The following TUBGCP2 variants were observed in gnomAD, a reference collection of about 807,000 sequenced individuals.
TUBGCP2 encodes tubulin gamma complex component 2.
TUBGCP2 carries 55 observed loss-of-function variants against 92.2 expected under a neutral mutation model. The ratio of observed to expected loss-of-function variants is 0.60; its 90% CI spans 0.48 to 0.75. The LOEUF (loss-of-function observed/expected upper bound fraction) is 0.75, where lower values mean the gene tolerates loss of function less well. Ranked by LOEUF, TUBGCP2 falls within the 30% of genes least tolerant of loss-of-function variation. TUBGCP2 has a pLI of 0.00. For synonymous variants in TUBGCP2, 533 were observed against 505.2 expected, an observed-to-expected ratio of 1.06 and a Z score of -0.74; for missense variants, 1,093 against 1,188.9, an observed-to-expected ratio of 0.92 and a Z score of 1.19.
Position 133,283,783 on chromosome 10 carries a change from TCCCTGCCTCTCCCCTCG to T in TUBGCP2, c.2145+82_2145+98del, listed in dbSNP as rs1248078671. Reference sequence around the variant, plus strand: ...CCTGCATTCCCTGCCTCTCCTGCACTCCCTGCCTCTCCCCTCGCCCTGCCTCTCCTGCACTTCCTGTC... The same window carrying T: ...CCTGCATTCCCTGCCTCTCCTGCACTCCCTGCCTCTCCTGCACTTCCTGTC... On this transcript the variant is annotated intron_variant, in intron 14 of 17. Coordinates refer to ENST00000252936, the MANE Select transcript of TUBGCP2 (RefSeq NM_006659.4). 387 of 1,465,198 alleles carry T rather than the reference TCCCTGCCTCTCCCCTCG, an allele frequency of 2.6e-4. 1 individual carries two copies. Among genetic ancestry groups the T allele is most frequent in the South Asian group, 1.6e-3 (125 of 78,720 alleles). The allele number at this position is 1,465,198 out of a possible 1,614,324, so 90.8% of individuals were successfully genotyped here. A position where few individuals can be genotyped will look rare whatever the true frequency, so the allele number is the denominator to read the frequency against.
upstream of TUBGCP2, chr10:133,310,035 G>A (rs1358151590): frequency 3.2e-5 from 52 of 1,608,832 alleles, no homozygotes; most frequent in Non-Finnish European, 4.2e-5. Flanking sequence ...GGCTCAGAGT[G>A]CTGCCCCCAG....
chr10:133,299,907 T>G, intron 3 of TUBGCP2, 78 bp downstream of exon 3: 1 of 1,558,238 alleles, frequency 6.4e-7, no homozygotes, highest in Non-Finnish European at 8.7e-7. Context: ...GAAGATGGCG[T>G]GGAGTGAGCA....
upstream of TUBGCP2, chr10:133,311,638 T>C (rs1231101957): frequency 2.4e-6 from 3 of 1,257,460 alleles, no homozygotes; most frequent in Non-Finnish European, 3.4e-6. Flanking sequence ...CCAGTTTCTT[T>C]CTTGCATGTT....
chr10:133,312,029 G>C, upstream of TUBGCP2: 1 of 1,535,642 alleles, frequency 6.5e-7, no homozygotes, highest in South Asian at 1.2e-5. Context: ...AGTTTCTCTC[G>C]CATACTCTGT....
At chr10:133,303,414 G>T (rs1012072692) in intron 1 of TUBGCP2, among the ~76,000 whole-genome samples, 5 of 152,200 alleles carry the variant, frequency 3.3e-5, no homozygotes, top group Non-Finnish European at 5.9e-5. Flanking sequence ...GCATGAATGG[G>T]GCCTGAGACC....
chr10:133,304,776 C>T (rs1847767993), intron 1 of TUBGCP2, among the ~76,000 whole-genome samples: 1 of 152,202 alleles, frequency 6.6e-6, no homozygotes, highest in Non-Finnish European at 1.5e-5. Flanking sequence ...AATCCTTGCT[C>T]TACAATCATA....
At chr10:133,303,026 TA>T in intron 1 of TUBGCP2, 46 bp from the exon 2 acceptor site, 1 of 1,564,162 alleles carries the variant, frequency 6.4e-7, no homozygotes, top group Non-Finnish European at 8.8e-7. Flanking sequence ...ACTGTAGAAA[TA>T]AAAAACATTT....
At position 133,307,604 on chromosome 10, in the gene TUBGCP2, GC is replaced by G. The variant is rs749943302; in HGVS notation, c.-40+1218del. On this transcript the variant is annotated intron_variant, in intron 1 of 17. Coordinates refer to ENST00000252936, the MANE Select transcript of TUBGCP2 (RefSeq NM_006659.4). The stretch of plus-strand genomic sequence containing the variant: ...TACCAAAAATACAAAAATTGGCCAA[GC>G]CTGGTGGCGCACACTTGTAATCCCA... Among the ~76,000 whole-genome samples the G allele has an allele frequency of 4.7e-3, 713 of 152,332 alleles. 3 individuals are homozygous for G. The highest frequency in any genetic ancestry group is 0.017 in the African/African-American group (689 of 41,572).
At chr10:133,312,296 C>A (rs41314511), upstream of TUBGCP2, 1 of 1,226,598 alleles carries the variant, frequency 8.2e-7, no homozygotes, top group Non-Finnish European at 1.0e-6. Flanking sequence ...GCCTTTCTAG[C>A]GTCACCTGTG....
chr10:133,304,477 T>A (rs1847758614), intron 1 of TUBGCP2, among the ~76,000 whole-genome samples: 1 of 152,188 alleles, frequency 6.6e-6, no homozygotes, highest in South Asian at 2.1e-4. Flanking sequence ...TTTTATTTTC[T>A]GAGGAGATGA....
intron 2 of TUBGCP2, among the ~76,000 whole-genome samples, chr10:133,300,763 TGC>T (rs1372660264): frequency 6.6e-6 from 1 of 152,186 alleles, no homozygotes; most frequent in Non-Finnish European, 1.5e-5. Context: ...TGTGAGCCCC[TGC>T]GCCCGCCCTT....
At chr10:133,297,876 A>C in intron 5 of TUBGCP2, 76 bp downstream of exon 5, 1 of 1,578,928 alleles carries the variant, frequency 6.3e-7, no homozygotes, top group Non-Finnish European at 8.6e-7. Flanking sequence ...AACACATGAC[A>C]TACCTATCGG....
upstream of TUBGCP2, chr10:133,312,293 TA>T: frequency 8.1e-7 from 1 of 1,232,790 alleles, no homozygotes; most frequent in Non-Finnish European, 1.0e-6. Context: ...TCTGCCTTTC[TA>T]GCGTCACCTG....
chr10:133,302,493 G>GCACCAGAGGTGGCACTC (rs1589836406), intron 2 of TUBGCP2: 1 of 387,044 alleles, frequency 2.6e-6, no homozygotes, highest in African/African-American at 2.3e-5. Flanking sequence ...CCTGCACCCT[G>GCACCAGAGGTGGCACTC]ACCCAGGGGC....
In TUBGCP2 at chr10:133,281,392, G is replaced by A. The variant is rs370230871; in HGVS notation, c.2454C>T (p.Phe818=). The A allele has an allele frequency of 1.5e-5, 25 of 1,613,730 alleles. No individual in the cohort carries two copies. Among genetic ancestry groups the A allele is most frequent in the Admixed American group, 3.3e-5 (2 of 60,018 alleles). The change falls in exon 17 of 18, where the codon TTC becomes TTT. Residue 818 remains phenylalanine (F), a synonymous_variant. Coordinates refer to ENST00000252936, the MANE Select transcript of TUBGCP2 (RefSeq NM_006659.4). ...HADTVQLVSG[F]EATINKFDKN... ...TGTCAAACTTGTTGATGGTGGCCTC[G>A]AAGCCGGACACCAGCTGCACAGTGT...
chr10:133,309,479 GT>G (rs1184120970), upstream of TUBGCP2: 1 of 1,609,674 alleles, frequency 6.2e-7, no homozygotes, highest in South Asian at 1.1e-5. Flanking sequence ...CGAATGGGCA[GT>G]GCCTAGCCAG....
At chr10:133,280,654 A>G (rs1269537154) in intron 17 of TUBGCP2, among the ~76,000 whole-genome samples, 1 of 152,214 alleles carries the variant, frequency 6.6e-6, no homozygotes, top group African/African-American at 2.4e-5. Context: ...AGGGAGTGGC[A>G]TATGACCAGC....
chr10:133,283,727 C>T (rs1416512684), intron 14 of TUBGCP2, among the ~76,000 whole-genome samples, 155 bp downstream of exon 14: 1 of 142,388 alleles, frequency 7.0e-6, no homozygotes, highest in South Asian at 2.2e-4. Flanking sequence ...CTCTCCCGCA[C>T]TCCCTGCCTC....
In TUBGCP2 at chr10:133,308,804, G is replaced by C; in HGVS notation, c.-40+19C>G. The C allele has an allele frequency of 1.5e-6, 1 of 647,024 alleles. No individual in the cohort carries two copies. Among genetic ancestry groups the C allele is most frequent in the East Asian group, 4.1e-5 (1 of 24,220 alleles). The allele number at this position is 647,024 out of a possible 1,614,324, so 40.1% of individuals were successfully genotyped here. A position where few individuals can be genotyped will look rare whatever the true frequency, so the allele number is the denominator to read the frequency against. Reference sequence around the variant, plus strand: ...CAACCCCCTCATCACGCCCGCGCCCGCGTTCGGCCAGGACTCACCGCAGTC... The same window carrying C: ...CAACCCCCTCATCACGCCCGCGCCCCCGTTCGGCCAGGACTCACCGCAGTC... On this transcript the variant is annotated intron_variant, in intron 1 of 17. Coordinates refer to ENST00000252936, the MANE Select transcript of TUBGCP2 (RefSeq NM_006659.4).
Sources: gnomAD v4.1 joint callset for allele counts (sites outside exome capture counted in the v4.1 genomes callset) on GRCh38, gnomAD v4.1.1 for gene constraint, MANE v1.5 for transcripts, NCBI Gene and HGNC (gene_info 2026-07-23, HGNC 2026-07-21) for gene names.